MTMR3: variants seen among roughly 807,000 people sequenced by gnomAD.
MTMR3 encodes phosphatidylinositol-3,5-bisphosphate 3-phosphatase MTMR3.
In MTMR3, 32 loss-of-function variants were observed where a neutral mutation model predicts 132.4. The ratio of observed to expected loss-of-function variants is 0.24; its 90% confidence interval spans 0.18 to 0.32. The LOEUF is 0.32. Among genes scored for constraint, MTMR3 ranks in the 10% least tolerant of loss-of-function variants. The probability of loss-of-function intolerance (pLI) is 1.00; values close to 1 mark genes in which losing one functional copy is unlikely to be tolerated. For synonymous variants in MTMR3, 556 were observed against 550.3 expected (o/e 1.01, Z -0.14); for missense variants, 1,216 against 1,489.6 (o/e 0.82, Z 3.02).
chr22:30,022,950 C>A, intron 19 of MTMR3: 1 of 503,664 alleles, frequency 2.0e-6, no homozygotes, highest in Admixed American at 3.5e-5. Context: ...ATTGGTGAAA[C>A]AACAGCCACC....
chr22:29,925,376 G>C (rs1330323193), intron 1 of MTMR3, among the ~76,000 whole-genome samples: 2 of 152,122 alleles, frequency 1.3e-5, no homozygotes, highest in Non-Finnish European at 2.9e-5. Context: ...GCTATGTTCT[G>C]TCTGGATATA....
At position 30,002,946 on chromosome 22, in the gene MTMR3, T is replaced by C. The variant is rs61753802; in HGVS notation, c.624T>C (p.Ser208=). ...PAWITDKELE[S]VSSFRSWKRI... ...GGATCACTGACAAAGAACTGGAAAG[T>C]GTATCAAGTTTCAGGTCCTGGAAGC... Residue 208 remains serine, a synonymous_variant, in exon 9 of 20, where the codon AGT becomes AGC. Coordinates refer to ENST00000401950, the MANE Select transcript of MTMR3 (RefSeq NM_021090.4). The C allele has an allele frequency of 1.4e-3, 2,333 of 1,614,026 alleles. 11 individuals carry two copies. The highest frequency in any genetic ancestry group is 5.8e-3 in the South Asian group (527 of 91,064).
In MTMR3 at chr22:30,030,404, G is replaced by C. The variant is rs2067990680; in HGVS notation, c.*4603G>C. 6.6e-6 allele frequency: 1 copy of C among 152,062 alleles called. No individual in the cohort carries two copies. The highest frequency in any genetic ancestry group is 6.5e-5 in the Admixed American group (1 of 15,268). 9.4% of individuals were successfully genotyped at this position (152,062 alleles called of 1,614,324 possible). A position where few individuals can be genotyped will look rare whatever the true frequency, so the allele number is the denominator to read the frequency against. ...TCAGATGCTGTTGAAGAAATAAATGGTATGTTGCTGCTGACAGTAGTGCTT... is the reference window on the plus strand; with the variant it reads ...TCAGATGCTGTTGAAGAAATAAATGCTATGTTGCTGCTGACAGTAGTGCTT... On this transcript the variant is annotated 3_prime_UTR_variant, in exon 20 of 20. Coordinates refer to ENST00000401950, the MANE Select transcript of MTMR3 (RefSeq NM_021090.4).
chr22:29,935,766 G>A (rs60751132), intron 1 of MTMR3, among the ~76,000 whole-genome samples: 4,450 of 102,002 alleles, frequency 0.044, 253 homozygotes, highest in African/African-American at 0.15. Flanking sequence ...TTTTTGAGAC[G>A]GAGTCATGCT....
intron 1 of MTMR3, among the ~76,000 whole-genome samples, chr22:29,920,030 A>T (rs1025215269): frequency 6.6e-6 from 1 of 152,042 alleles, no homozygotes; most frequent in Non-Finnish European, 1.5e-5. Flanking sequence ...CCTGGCCAAC[A>T]TGGTGAAACC....
At chr22:30,001,148 T>C (rs1311347165) in intron 8 of MTMR3, 1 of 152,082 alleles carries the variant, frequency 6.6e-6, no homozygotes, top group Non-Finnish European at 1.5e-5. Context: ...TCCCAGCACT[T>C]TGGGAGGCCG....
intron 1 of MTMR3, among the ~76,000 whole-genome samples, chr22:29,889,948 C>T (rs917929390): frequency 6.8e-5 from 10 of 148,092 alleles, no homozygotes; most frequent in South Asian, 2.2e-4. Flanking sequence ...ACTTTGTCGC[C>T]CAGGCTGGAG....
chr22:29,909,203 C>G (rs1199345973), intron 1 of MTMR3, among the ~76,000 whole-genome samples: 2 of 152,236 alleles, frequency 1.3e-5, no homozygotes, highest in East Asian at 3.9e-4. Flanking sequence ...CTTACTGTGC[C>G]TGGCCCACAA....
chr22:29,886,321 A>G (rs62228014), intron 1 of MTMR3, among the ~76,000 whole-genome samples: 230 of 152,350 alleles, frequency 1.5e-3, no homozygotes, highest in Admixed American at 3.5e-3. Context: ...TTTTCTAAAG[A>G]CTGTCATGAA....
At chr22:29,951,984 GGC>G (rs2145834511) in intron 1 of MTMR3, among the ~76,000 whole-genome samples, 1 of 149,854 alleles carries the variant, frequency 6.7e-6, no homozygotes, top group East Asian at 2.0e-4. Flanking sequence ...CTGCCTCCTG[GGC>G]TGAAGTAATC....
At chr22:29,931,321 A>G (rs2065639164) in intron 1 of MTMR3, among the ~76,000 whole-genome samples, 2 of 152,194 alleles carry the variant, frequency 1.3e-5, no homozygotes, top group Non-Finnish European at 2.9e-5. Flanking sequence ...ATATACAATG[A>G]CTTTTGGTTG....
At chr22:30,004,817 A>G (rs2067243519) in intron 9 of MTMR3, 1 of 152,252 alleles carries the variant, frequency 6.6e-6, no homozygotes, top group Non-Finnish European at 1.5e-5. Flanking sequence ...AGGTGGCAGG[A>G]TGCCTGGAAC....
At chr22:29,902,070 TG>T (rs2065011401) in intron 1 of MTMR3, among the ~76,000 whole-genome samples, 1 of 152,152 alleles carries the variant, frequency 6.6e-6, no homozygotes, top group African/African-American at 2.4e-5. Flanking sequence ...TAAAAAAATA[TG>T]GTGCCTAGAA....
At position 30,020,866 on chromosome 22, in the gene MTMR3, A is replaced by G; in HGVS notation, c.3207A>G (p.Gly1069=). 1 of 1,594,512 alleles carries G rather than the reference A, an allele frequency of 6.3e-7. No individual in the cohort carries two copies. Among genetic ancestry groups the G allele is most frequent in the Non-Finnish European group, 8.6e-7 (1 of 1,169,366 alleles). ...TGACCAGCTCCCTACACTTTAATGG[A>G]GACTTTGGGGATGAGGTGGTGAGTA... ...QYLTSSLHFN[G]DFGDEVTSIP... The change falls in exon 17 of 20, where the codon GGA becomes GGG. Residue 1069 remains glycine (G), a synonymous_variant. Coordinates refer to ENST00000401950, the MANE Select transcript of MTMR3 (RefSeq NM_021090.4).
At chr22:29,970,710 G>A (rs2066516612) in intron 2 of MTMR3, among the ~76,000 whole-genome samples, 2 of 151,860 alleles carry the variant, frequency 1.3e-5, no homozygotes, top group Non-Finnish European at 2.9e-5. Context: ...ACGAACATTA[G>A]GAATGTTAGC....
intron 1 of MTMR3, among the ~76,000 whole-genome samples, chr22:29,884,658 G>C (rs1054292121): frequency 2.7e-5 from 4 of 146,046 alleles, no homozygotes; most frequent in Non-Finnish European, 6.0e-5. Flanking sequence ...CGCCTGCCAG[G>C]TTCTAGCAAT....
intron 1 of MTMR3, among the ~76,000 whole-genome samples, chr22:29,900,809 G>T (rs1282180764): frequency 2.6e-5 from 4 of 152,118 alleles, no homozygotes; most frequent in Non-Finnish European, 4.4e-5. Flanking sequence ...TGCCTTCAAG[G>T]CTCAAGTCAT....
intron 1 of MTMR3, among the ~76,000 whole-genome samples, chr22:29,916,215 A>C (rs1197766710): frequency 6.6e-6 from 1 of 152,198 alleles, no homozygotes; most frequent in Admixed American, 6.5e-5. Context: ...GCCTGAGTTT[A>C]GTAAGGTCTC....
At chr22:30,017,260 A>AC (rs2067617569) in intron 15 of MTMR3, 1 of 154,460 alleles carries the variant, frequency 6.5e-6, no homozygotes, top group Non-Finnish European at 1.4e-5. Context: ...AGGCACATAG[A>AC]CCTATGTGTC....
Sources: allele counts gnomAD v4.1 joint callset (sites outside exome capture counted in the v4.1 genomes callset), GRCh38; gene constraint gnomAD v4.1.1; transcripts MANE v1.5; gene names NCBI Gene and HGNC (gene_info 2026-07-23, HGNC 2026-07-21).